The following HERC4 variants were observed in gnomAD, a reference collection of about 807,000 sequenced individuals.
HERC4 encodes the protein probable E3 ubiquitin-protein ligase HERC4.
HERC4 carries 28 observed loss-of-function variants against 124.3 expected under a neutral mutation model. The observed-to-expected ratio is 0.23, with a 90% CI of 0.17 to 0.31. The LOEUF is 0.31. Ranked by LOEUF, HERC4 falls within the 10% of genes least tolerant of loss-of-function variation. HERC4 has a pLI of 1.00. For synonymous variants in HERC4, 407 were observed against 421.5 expected (o/e 0.97, Z 0.42); for missense variants, 713 against 1,229.3 (o/e 0.58, Z 6.28).
At chr10:68,073,887 G>C (rs1033234551) in intron 1 of HERC4, 3 of 150,748 alleles carry the variant, frequency 2.0e-5, no homozygotes, top group Non-Finnish European at 4.4e-5. Context: ...AAATCAATGT[G>C]CATAATTATA....
intron 16 of HERC4, chr10:67,959,061 G>A (rs1421475331): frequency 1.6e-5 from 24 of 1,483,444 alleles, no homozygotes; most frequent in Admixed American, 4.0e-5. Flanking sequence ...TTACTCAGGA[G>A]AAAATGGAGT....
chr10:67,991,232 G>C, intron 11 of HERC4, 33 bp from the exon 12 acceptor site: 1 of 1,235,664 alleles, frequency 8.1e-7, no homozygotes, highest in Non-Finnish European at 1.1e-6. Context: ...TTTAATCATA[G>C]AATCAGAAAT....
intron 15 of HERC4, among the ~76,000 whole-genome samples, chr10:67,972,262 C>G (rs182219116): frequency 1.3e-4 from 19 of 149,380 alleles, no homozygotes; most frequent in African/African-American, 4.7e-4. Context: ...TGGCTCACAC[C>G]GGTAATCCCA....
At chr10:68,052,357 T>G (rs2040357448) in intron 3 of HERC4, among the ~76,000 whole-genome samples, 1 of 152,178 alleles carries the variant, frequency 6.6e-6, no homozygotes, top group Non-Finnish European at 1.5e-5. Flanking sequence ...CTTCTTTGCT[T>G]CTTAAAGAAA....
At chr10:68,071,392 G>T (rs2041566631) in intron 3 of HERC4, among the ~76,000 whole-genome samples, 1 of 152,162 alleles carries the variant, frequency 6.6e-6, no homozygotes, top group Non-Finnish European at 1.5e-5. Context: ...AACTATACTG[G>T]CAATTTCTAT....
Position 67,940,905 on chromosome 10 carries a change from C to T in HERC4, c.2504+34G>A, listed in dbSNP as rs1485653052. The stretch of plus-strand genomic sequence containing the variant: ...CCTTCCCCACTTTTTACCTCCCAAA[C>T]CCTACTACTTTTTGACTTTTTTTTC... On this transcript the variant is annotated intron_variant, in intron 20 of 24. Transcript: ENST00000373700. 1.9e-6 allele frequency: 3 copies of T among 1,588,928 alleles called. No homozygotes were observed. In the African/African-American group the frequency reaches 4.1e-5, roughly 22 times the overall value.
intron 15 of HERC4, among the ~76,000 whole-genome samples, chr10:67,979,027 C>T (rs556544014): frequency 2.6e-5 from 4 of 152,194 alleles, no homozygotes; most frequent in Non-Finnish European, 4.4e-5. Context: ...AAGTCCAAAC[C>T]GCGAAGACTA....
chr10:68,014,781 C>T (rs142398985), intron 8 of HERC4, among the ~76,000 whole-genome samples: 20 of 152,260 alleles, frequency 1.3e-4, no homozygotes, highest in African/African-American at 3.4e-4. Flanking sequence ...GATGACCCAC[C>T]AATCCACTCT....
chr10:68,069,984 G>A (rs932893224), intron 3 of HERC4: 1 of 664,004 alleles, frequency 1.5e-6, no homozygotes. Context: ...GGAGGTTGCA[G>A]TGAGCAGAGA....
intron 7 of HERC4, among the ~76,000 whole-genome samples, chr10:68,031,403 C>T (rs999841198): frequency 6.6e-6 from 1 of 151,986 alleles, no homozygotes; most frequent in Admixed American, 6.6e-5. Context: ...TTAAGACTCG[C>T]CAACAGGAAT....
At chr10:68,019,736 G>A (rs545649623) in intron 8 of HERC4, among the ~76,000 whole-genome samples, 1 of 152,296 alleles carries the variant, frequency 6.6e-6, no homozygotes, top group South Asian at 2.1e-4. Flanking sequence ...TTACTCCTGT[G>A]TAATGCAGCC....
chr10:68,027,019 C>A (rs2038938358), intron 7 of HERC4, among the ~76,000 whole-genome samples: 1 of 152,002 alleles, frequency 6.6e-6, no homozygotes, highest in African/African-American at 2.4e-5. Flanking sequence ...AACAAAAAAA[C>A]ATATAATATA....
chr10:68,032,704 A>C (rs2039269833), intron 7 of HERC4, 74 bp downstream of exon 7: 7 of 759,118 alleles, frequency 9.2e-6, no homozygotes, highest in Non-Finnish European at 1.6e-5. Context: ...ACTTGAGAAA[A>C]TACCATGAGA....
intron 3 of HERC4, among the ~76,000 whole-genome samples, chr10:68,051,473 T>C (rs879496736): frequency 2.7e-5 from 4 of 149,886 alleles, no homozygotes; most frequent in African/African-American, 7.4e-5. Context: ...GCCTCCTGAG[T>C]AGCTGGGACT....
chr10:68,023,701 A>C lies in HERC4; in HGVS notation c.908+1845T>G, dbSNP rs545164259. The stretch of plus-strand genomic sequence containing the variant: ...ATACTTAAAAATAGTTAAGGTGGTA[A>C]ATTTTGTTGTATGTATTTCCCACAA... On this transcript the variant is annotated intron_variant, in intron 8 of 24. Coordinates refer to ENST00000373700, the MANE Select transcript of HERC4 (RefSeq NM_015601.4). Among the ~76,000 whole-genome samples the C allele has an allele frequency of 5.3e-5, 8 of 152,256 alleles. No homozygotes were observed. The South Asian group carries it at 1.2e-3, about 24-fold the overall frequency.
At chr10:67,940,886 C>A in intron 20 of HERC4, 53 bp downstream of exon 20, 1 of 1,451,544 alleles carries the variant, frequency 6.9e-7, no homozygotes, top group East Asian at 2.5e-5. Context: ...TGTACCTTCC[C>A]CACTTTTTAC....
At chr10:67,990,799 G>GT (rs1191539163) in intron 13 of HERC4, 105 bp downstream of exon 13, 8 of 607,426 alleles carry the variant, frequency 1.3e-5, no homozygotes, top group Non-Finnish European at 2.0e-5. Flanking sequence ...AAAGCACATC[G>GT]TAAGAGTCTG....
At chr10:67,954,526 A>G (rs2034013942) in intron 19 of HERC4, 69 bp downstream of exon 19, 1 of 1,230,564 alleles carries the variant, frequency 8.1e-7, no homozygotes, top group Admixed American at 2.4e-5. Context: ...TACTGAATTA[A>G]CTTGATACAT....
intron 8 of HERC4, among the ~76,000 whole-genome samples, chr10:68,019,446 C>T (rs1214955473): frequency 6.6e-6 from 1 of 152,094 alleles, no homozygotes; most frequent in East Asian, 1.9e-4. Flanking sequence ...GATCCATGTA[C>T]ATACAACAGC....
Sources: allele counts gnomAD v4.1 joint callset (sites outside exome capture counted in the v4.1 genomes callset), GRCh38; gene constraint gnomAD v4.1.1; transcripts MANE v1.5; gene names NCBI Gene and HGNC (gene_info 2026-07-23, HGNC 2026-07-21).